PPEF2: variants seen among roughly 807,000 people sequenced by gnomAD.
The protein encoded by PPEF2 is protein phosphatase with EF-hand domain 2, also known as serine/threonine-protein phosphatase with EF-hands 2.
PPEF2 carries 84 observed loss-of-function variants against 84.7 expected under a neutral mutation model. That is an observed-to-expected ratio of 0.99 (90% CI 0.83 to 1.19). PPEF2 has a LOEUF of 1.19. Among genes scored for constraint, PPEF2 ranks in the 50% most tolerant of loss-of-function variants. The pLI, the probability that PPEF2 is intolerant of heterozygous loss-of-function variation, is 0.00. For synonymous variants in PPEF2, 346 were observed against 345.2 expected, an observed-to-expected ratio of 1.00 and a Z score of -0.03; for missense variants, 924 against 937.5, an observed-to-expected ratio of 0.99 and a Z score of 0.19.
At chr4:75,866,402 C>T (rs937512563) in intron 14 of PPEF2, 50 bp from the exon 15 acceptor site, 3 of 1,596,110 alleles carry the variant, frequency 1.9e-6, no homozygotes, top group South Asian at 1.1e-5. Flanking sequence ...GTCTAGTTTC[C>T]TGCCCAATGG....
intron 1 of PPEF2, among the ~76,000 whole-genome samples, chr4:75,900,001 T>C (rs1036902327): frequency 2.6e-5 from 4 of 152,254 alleles, no homozygotes; most frequent in African/African-American, 9.6e-5. Flanking sequence ...TTCTCATCTA[T>C]GTATCTTCAA....
chr4:75,870,986 G>C (rs1369560299), intron 13 of PPEF2, among the ~76,000 whole-genome samples: 2 of 30,860 alleles, frequency 6.5e-5, no homozygotes, highest in East Asian at 1.9e-3. Flanking sequence ...GTGCGATCTC[G>C]GGTCACTGCA....
intron 2 of PPEF2, 71 bp downstream of exon 2, chr4:75,896,200 C>T (rs995993893): frequency 6.5e-6 from 10 of 1,531,798 alleles, no homozygotes; most frequent in African/African-American, 2.7e-5. Flanking sequence ...ACCCTCAGAA[C>T]CCCCAACCCT....
Position 75,876,331 on chromosome 4 carries a change from C to A in PPEF2, c.1276G>T (p.Glu426Ter), listed in dbSNP as rs369732087. Residue 426 changes from glutamate (E) to a stop codon, truncating the protein, a stop_gained, in exon 11 of 17, where the codon GAA (glutamate) becomes TAA (stop). Coordinates refer to ENST00000286719, the MANE Select transcript of PPEF2 (RefSeq NM_006239.3). LOFTEE classifies it high-confidence loss of function. ...GTGGGCTTCCGCAGCTCTCCGGCTT[C>A]AGAGTCTGCTTCTGAGGCTGAGCGG... ...PSRSASEADS[E>*]AGELRKPTQE... 5 of 1,613,350 alleles carry A rather than the reference C, an allele frequency of 3.1e-6. No homozygotes were observed. The highest frequency in any genetic ancestry group is 4.2e-6 in the Non-Finnish European group (5 of 1,179,840).
chr4:75,872,312 T>C, intron 12 of PPEF2, 145 bp from the exon 13 acceptor site: 1 of 854,886 alleles, frequency 1.2e-6, no homozygotes, highest in South Asian at 2.3e-5. Flanking sequence ...CTTTCTTTCT[T>C]TTTTTCTAAA....
At chr4:75,874,356 T>G (rs1483090322) in intron 11 of PPEF2, among the ~76,000 whole-genome samples, 1 of 151,166 alleles carries the variant, frequency 6.6e-6, no homozygotes, top group Non-Finnish European at 1.5e-5. Flanking sequence ...AGTGCAGTGG[T>G]GCAATCTCGG....
At chr4:75,892,298 G>C (rs1390691869) in intron 2 of PPEF2, among the ~76,000 whole-genome samples, 1 of 152,162 alleles carries the variant, frequency 6.6e-6, no homozygotes, top group East Asian at 1.9e-4. Context: ...TTCCGAGAAG[G>C]AGATGTAAAC....
chr4:75,876,284 C>A lies in PPEF2; in HGVS notation c.1320+3G>T. ...CTAGGAAGCAGCGCCTGGCCACGCT[C>A]ACCTGCCTCCACTCCTCCTGAGTGG... On this transcript the variant is annotated splice_donor_region_variant and intron_variant, in intron 11 of 16. Transcript: ENST00000286719. 1 of 1,593,376 alleles carries A rather than the reference C, an allele frequency of 6.3e-7. No individual in the cohort carries two copies. Among genetic ancestry groups the A allele is most frequent in the South Asian group, 1.1e-5 (1 of 88,106 alleles).
intron 1 of PPEF2, among the ~76,000 whole-genome samples, chr4:75,901,194 C>T (rs1043560540): frequency 2.8e-4 from 42 of 152,228 alleles, no homozygotes; most frequent in Admixed American, 2.6e-3. Context: ...GAGTCATCTA[C>T]GGACAAGCAG....
intron 15 of PPEF2, 121 bp from the exon 16 acceptor site, chr4:75,864,648 A>G: frequency 1.3e-6 from 1 of 749,564 alleles, no homozygotes; most frequent in East Asian, 2.7e-5. Context: ...ATATTTTGCC[A>G]TCCCTCCATT....
At position 75,871,755 on chromosome 4, in the gene PPEF2, G is replaced by C. The variant is rs146057946; in HGVS notation, c.1649+270C>G. Among the ~76,000 whole-genome samples the C allele has an allele frequency of 9.4e-3, 1,434 of 152,292 alleles. 65 individuals are homozygous for C. The highest frequency in any genetic ancestry group is 0.08 in the Admixed American group (1,221 of 15,282). Reference sequence around the variant, plus strand: ...CAGACTGCTGGGATTACAGGCATGAGCCACTGTGCCCCACTGAGAATAATT... The same window carrying C: ...CAGACTGCTGGGATTACAGGCATGACCCACTGTGCCCCACTGAGAATAATT... On this transcript the variant is annotated intron_variant, in intron 13 of 16. Transcript: ENST00000286719.
intron 13 of PPEF2, among the ~76,000 whole-genome samples, chr4:75,870,054 G>C (rs867939619): frequency 6.6e-6 from 1 of 152,206 alleles, no homozygotes; most frequent in African/African-American, 2.4e-5. Flanking sequence ...ATCAATGAAG[G>C]TTTCAAAGAG....
chr4:75,883,044 T>C lies in PPEF2; in HGVS notation c.815A>G (p.Gln272Arg). ...CAGTGGAAGCCAACAGAAAACATCT[T>C]GCAGGGTTCTTAGTATTTCCTTCCC... is the stretch of plus-strand genomic sequence containing the variant. ...VHGKEILRTLQDVFCWLPLAT... is the reference protein window; with the variant it reads ...VHGKEILRTLRDVFCWLPLAT... Residue 272 changes from glutamine to arginine, a missense_variant, in exon 10 of 17, where the codon CAA becomes CGA. Coordinates refer to ENST00000286719, the MANE Select transcript of PPEF2 (RefSeq NM_006239.3). The C allele has an allele frequency of 6.2e-7, 1 of 1,614,170 alleles. No homozygotes were observed. The highest frequency in any genetic ancestry group is 8.5e-7 in the Non-Finnish European group (1 of 1,180,012).
Position 75,860,746 on chromosome 4 carries a change from C to T in PPEF2, c.2183G>A (p.Cys728Tyr), listed in dbSNP as rs998286656. Reference sequence around the variant, plus strand: ...GCATTCTGAGGCATCGCCCTCTGGGCAGGATTTCTCCACAAGGCGGAAGGC... The same window carrying T: ...GCATTCTGAGGCATCGCCCTCTGGGTAGGATTTCTCCACAAGGCGGAAGGC... ...LEAFRLVEKS[C>Y]PEGDASECPQ... The change falls in exon 17 of 17, where the codon TGC becomes TAC. Residue 728 changes from cysteine (C) to tyrosine (Y), a missense_variant. Coordinates refer to ENST00000286719, the MANE Select transcript of PPEF2 (RefSeq NM_006239.3). The T allele has an allele frequency of 6.2e-7, 1 of 1,614,236 alleles. No individual in the cohort carries two copies.
In PPEF2 at chr4:75,860,634, G is replaced by C. The variant is rs1233658086; in HGVS notation, c.*33C>G. The stretch of plus-strand genomic sequence containing the variant: ...TAGTGAGAAGCTGAGCATTGCCTAT[G>C]AGGCACTTTGGGTGATGAAGACCAG... On this transcript the variant is annotated 3_prime_UTR_variant, in exon 17 of 17. Transcript: ENST00000286719. 6.2e-7 allele frequency: 1 copy of C among 1,610,102 alleles called. No homozygotes were observed. The highest frequency in any genetic ancestry group is 2.2e-5 in the East Asian group (1 of 44,818).
intron 8 of PPEF2, among the ~76,000 whole-genome samples, chr4:75,883,708 CTG>C (rs1268994149): frequency 1.3e-5 from 2 of 148,240 alleles, no homozygotes; most frequent in African/African-American, 2.5e-5. Context: ...GTCCCAGCTA[CTG>C]AGGATGCTGA....
chr4:75,890,239 A>G, intron 4 of PPEF2, 107 bp from the exon 5 acceptor site: 1 of 1,252,454 alleles, frequency 8.0e-7, no homozygotes, highest in Admixed American at 2.0e-5. Context: ...TAATCCCAGA[A>G]ATTTGCGGGG....
chr4:75,893,635 C>A (rs1469526865), intron 2 of PPEF2, among the ~76,000 whole-genome samples: 1 of 152,186 alleles, frequency 6.6e-6, no homozygotes, highest in Admixed American at 6.5e-5. Context: ...ATCTCTACCG[C>A]TGGAATCCAG....
At chr4:75,893,487 G>C (rs1420273108) in intron 2 of PPEF2, among the ~76,000 whole-genome samples, 1 of 148,842 alleles carries the variant, frequency 6.7e-6, no homozygotes, top group Non-Finnish European at 1.5e-5. Flanking sequence ...TAGAGACTCT[G>C]ACACACACAC....
Sources: gnomAD v4.1 joint callset for allele counts (sites outside exome capture counted in the v4.1 genomes callset) on GRCh38, gnomAD v4.1.1 for gene constraint, MANE v1.5 for transcripts, NCBI Gene and HGNC (gene_info 2026-07-23, HGNC 2026-07-21) for gene names.